Variants in FBXO11 observed in about 807,000 individuals in gnomAD.
FBXO11 encodes F-box only protein 11.
Under a neutral mutation model 117.0 loss-of-function variants are expected in FBXO11, and 13 were observed. The ratio of observed to expected loss-of-function variants is 0.11; its 90% CI spans 0.07 to 0.18. The LOEUF (loss-of-function observed/expected upper bound fraction) is 0.18. FBXO11 is among the 10% of genes least tolerant of loss of function. The probability of loss-of-function intolerance (pLI) is 1.00; values close to 1 mark genes in which losing one functional copy is unlikely to be tolerated. For missense variants in FBXO11, 767 were observed against 1,164.4 expected (o/e 0.66, Z 4.97); for synonymous variants, 490 against 380.5 (o/e 1.29, Z -3.35).
chr2:47,878,906 G>A (rs1344696866), intron 1 of FBXO11, among the ~76,000 whole-genome samples: 30 of 151,990 alleles, frequency 2.0e-4, no homozygotes, highest in Non-Finnish European at 1.0e-4. Flanking sequence ...TTGAATTGGG[G>A]AGGCAGACAT....
rs1187116143 is a variant in FBXO11, at chr2:47,905,539, G to A, written c.182C>T (p.Pro61Leu). The stretch of plus-strand genomic sequence containing the variant: ...CTGAGGCAGCGGCGGAGGCGGCGGT[G>A]GCGGCGGCGGAGGCTGCTGCTGCTG... ...QQQQQQPPPP[P>L]PPPPPLPQER... The change falls in exon 1 of 23, where the codon CCA becomes CTA. Residue 61 changes from proline (P) to leucine (L), a missense_variant. Pro to Leu is a moderately conservative substitution (Grantham distance 98). Transcript: ENST00000403359. 2 of 1,237,454 alleles carry A rather than the reference G, an allele frequency of 1.6e-6. No homozygotes were observed. Among genetic ancestry groups the A allele is most frequent in the Non-Finnish European group, 2.0e-6 (2 of 993,232 alleles). The allele number at this position is 1,237,454 out of a possible 1,614,324, so 76.7% of individuals were successfully genotyped here. A position where few individuals can be genotyped will look rare whatever the true frequency, so the allele number is the denominator to read the frequency against.
chr2:47,862,213 G>A (rs1041131494), intron 1 of FBXO11, among the ~76,000 whole-genome samples: 4 of 152,084 alleles, frequency 2.6e-5, no homozygotes, highest in Non-Finnish European at 4.4e-5. Flanking sequence ...GTGAGCCATC[G>A]TGCCTGGCCA....
chr2:47,892,256 T>A (rs1677308954), intron 1 of FBXO11, among the ~76,000 whole-genome samples: 1 of 152,182 alleles, frequency 6.6e-6, no homozygotes, highest in Non-Finnish European at 1.5e-5. Flanking sequence ...CAAAGATATG[T>A]AAAAGAATAA....
intron 1 of FBXO11, among the ~76,000 whole-genome samples, chr2:47,842,677 T>C (rs1673103660): frequency 6.6e-6 from 1 of 151,894 alleles, no homozygotes; most frequent in Non-Finnish European, 1.5e-5. Context: ...TGGGCTCATA[T>C]GCAGAGTTCA....
chr2:47,884,944 T>C (rs1558472351), intron 1 of FBXO11, among the ~76,000 whole-genome samples: 1 of 152,192 alleles, frequency 6.6e-6, no homozygotes, highest in Non-Finnish European at 1.5e-5. Context: ...TAAGTCCATA[T>C]ACTGATATCA....
intron 1 of FBXO11, among the ~76,000 whole-genome samples, chr2:47,851,118 A>G (rs1429995425): frequency 2.0e-5 from 3 of 152,142 alleles, no homozygotes; most frequent in Non-Finnish European, 4.4e-5. Context: ...GTTATCAAAT[A>G]TATCATTAAT....
intron 4 of FBXO11, among the ~76,000 whole-genome samples, chr2:47,837,915 A>G (rs1672712309): frequency 6.6e-6 from 1 of 151,922 alleles, no homozygotes; most frequent in South Asian, 2.1e-4. Context: ...TTTTTATAAC[A>G]GCATTTTTTT....
intron 1 of FBXO11, among the ~76,000 whole-genome samples, chr2:47,903,865 CAT>C (rs1167161885): frequency 6.6e-6 from 1 of 152,152 alleles, no homozygotes; most frequent in Non-Finnish European, 1.5e-5. Flanking sequence ...CACTGATAGA[CAT>C]ATGTGAAAGG....
chr2:47,885,559 A>G (rs1676765202), intron 1 of FBXO11, among the ~76,000 whole-genome samples: 1 of 152,086 alleles, frequency 6.6e-6, no homozygotes, highest in East Asian at 1.9e-4. Flanking sequence ...TGGGCAACAT[A>G]GGGAGACTCA....
At chr2:47,821,854 G>C (rs1329993357) in intron 13 of FBXO11, among the ~76,000 whole-genome samples, 1 of 152,134 alleles carries the variant, frequency 6.6e-6, no homozygotes, top group African/African-American at 2.4e-5. Flanking sequence ...AATTTTGGGA[G>C]ACCAAGGCGG....
intron 1 of FBXO11, among the ~76,000 whole-genome samples, chr2:47,874,020 C>A (rs967515625): frequency 1.3e-5 from 2 of 152,012 alleles, no homozygotes; most frequent in Admixed American, 6.6e-5. Flanking sequence ...TGAGACCAGC[C>A]TGGCCAACAT....
intron 1 of FBXO11, among the ~76,000 whole-genome samples, chr2:47,901,856 A>C (rs531408257): frequency 6.6e-6 from 1 of 152,362 alleles, no homozygotes; most frequent in South Asian, 2.1e-4. Context: ...TTTTAAAACA[A>C]AACAAATATC....
At position 47,808,005 on chromosome 2, in the gene FBXO11, A is replaced by C; in HGVS notation, c.*113T>G. On this transcript the variant is annotated 3_prime_UTR_variant, in exon 23 of 23. Coordinates refer to ENST00000403359, the MANE Select transcript of FBXO11 (RefSeq NM_001190274.2). ...TAGTGTCAACTGACCTTGTGTATCC[A>C]TTTTTAATACAGTCTCTTCCTGTAG... The C allele has an allele frequency of 1.0e-6, 1 of 985,812 alleles. No individual in the cohort carries two copies. Among genetic ancestry groups the C allele is most frequent in the South Asian group, 1.6e-5 (1 of 61,630 alleles). 61.1% of individuals were successfully genotyped at this position (985,812 alleles called of 1,614,324 possible).
intron 1 of FBXO11, among the ~76,000 whole-genome samples, chr2:47,890,428 T>C (rs1677172467): frequency 6.6e-6 from 1 of 152,212 alleles, no homozygotes; most frequent in Non-Finnish European, 1.5e-5. Flanking sequence ...ATGTAACATT[T>C]AAGCTTTTAT....
At chr2:47,840,178 C>G (rs1015416270) in intron 1 of FBXO11, among the ~76,000 whole-genome samples, 1 of 151,972 alleles carries the variant, frequency 6.6e-6, no homozygotes, top group African/African-American at 2.4e-5. Flanking sequence ...CTCCTGACCT[C>G]GTGATCCACT....
intron 1 of FBXO11, among the ~76,000 whole-genome samples, chr2:47,867,559 C>T (rs1026388592): frequency 8.5e-5 from 13 of 152,052 alleles, no homozygotes; most frequent in African/African-American, 2.9e-4. Flanking sequence ...CCCAGTCTAA[C>T]GACACATATG....
At chr2:47,898,010 G>T (rs914550862) in intron 1 of FBXO11, among the ~76,000 whole-genome samples, 1 of 152,058 alleles carries the variant, frequency 6.6e-6, no homozygotes, top group Non-Finnish European at 1.5e-5. Context: ...GTCACCACAT[G>T]GAAGAAAACA....
At chr2:47,896,767 T>A (rs1343858211) in intron 1 of FBXO11, among the ~76,000 whole-genome samples, 1 of 152,250 alleles carries the variant, frequency 6.6e-6, no homozygotes, top group African/African-American at 2.4e-5. Context: ...TATGTAAGTG[T>A]GAAGTAGTAT....
chr2:47,845,456 G>T (rs958139849), intron 1 of FBXO11, among the ~76,000 whole-genome samples: 2 of 152,134 alleles, frequency 1.3e-5, no homozygotes, highest in African/African-American at 4.8e-5. Context: ...ACTACTGACT[G>T]TTCTGAGAAT....
Sources: allele counts gnomAD v4.1 joint callset (sites outside exome capture counted in the v4.1 genomes callset), GRCh38; gene constraint gnomAD v4.1.1; transcripts MANE v1.5; gene names NCBI Gene and HGNC (gene_info 2026-07-23, HGNC 2026-07-21).